Variants in DDX24 observed in about 807,000 individuals in gnomAD.
DDX24 encodes the protein DEAD-box helicase 24.
DDX24 carries 24 observed loss-of-function variants against 68.9 expected under a neutral mutation model. The observed-to-expected ratio is 0.35, with a 90% CI of 0.25 to 0.49. The LOEUF is 0.49. Ranked by LOEUF, DDX24 falls within the 20% of genes least tolerant of loss-of-function variation. The pLI, the probability that DDX24 is intolerant of heterozygous loss-of-function variation, is 0.99. For synonymous variants in DDX24, 395 were observed against 385.2 expected (o/e 1.03, Z -0.30); for missense variants, 989 against 1,039.0 (o/e 0.95, Z 0.66).
At chr14:94,064,972 T>G (rs894282966) in intron 2 of DDX24, among the ~76,000 whole-genome samples, 1 of 152,088 alleles carries the variant, frequency 6.6e-6, no homozygotes, top group African/African-American at 2.4e-5. Flanking sequence ...AACCAGTTGG[T>G]GTCCACAGAG....
chr14:94,060,222 T>C lies in DDX24; in HGVS notation c.1789A>G (p.Ile597Val). The C allele has an allele frequency of 1.2e-6, 2 of 1,614,210 alleles. No homozygotes were observed. Among genetic ancestry groups the C allele is most frequent in the East Asian group, 4.5e-5 (2 of 44,878 alleles). The stretch of plus-strand genomic sequence containing the variant: ...CCAGAGAGGCGTTTGATGCAGGAGA[T>C]ACTGTTGGCAAACACTAAGCTGCGG... ...PGRSLVFANS[I>V]SCIKRLSGLL... Residue 597 changes from isoleucine to valine, a missense_variant, in exon 5 of 9, where the codon ATC (isoleucine) becomes GTC (valine). Physicochemically the swap from Ile to Val is conservative, Grantham distance 29 (BLOSUM62 3). Transcript: ENST00000621632.
chr14:94,079,501 A>G lies in DDX24; in HGVS notation c.242T>C (p.Val81Ala). The change falls in exon 2 of 9, where the codon GTT becomes GCT. Residue 81 changes from valine to alanine, a missense_variant. Val to Ala is a moderately conservative substitution (Grantham distance 64, BLOSUM62 0). Coordinates refer to ENST00000621632, the MANE Select transcript of DDX24 (RefSeq NM_020414.4). Reference protein sequence around the residue: ...KEAPKRKAQAVSEEEEEEEGK... With the variant: ...KEAPKRKAQAASEEEEEEEGK... ...CTCCTCCTCCTCCTCTTCTTCTGAA[A>G]CAGCTTGTGCCTTTCTCTTGGGTGC... 1.2e-6 allele frequency: 2 copies of G among 1,614,114 alleles called. No homozygotes were observed. Among genetic ancestry groups the G allele is most frequent in the Non-Finnish European group, 1.7e-6 (2 of 1,180,042 alleles).
chr14:94,049,876 T>C lies in DDX24; in HGVS notation c.*1315A>G, dbSNP rs4900210. 80,397 of 151,592 alleles carry C rather than the reference T, an allele frequency of 0.53. 23,364 individuals carry two copies. The highest frequency in any genetic ancestry group is 0.78 in the African/African-American group (32,407 of 41,284). 9.4% of individuals were successfully genotyped at this position (151,592 alleles called of 1,614,324 possible). On this transcript the variant is annotated 3_prime_UTR_variant, in exon 9 of 9. Transcript: ENST00000621632. Reference sequence around the variant, plus strand: ...TGCCATTGCACTCCAACCTGGGCAATGGAGCAAGACCCTGTCTCAAAAAAA... The same window carrying C: ...TGCCATTGCACTCCAACCTGGGCAACGGAGCAAGACCCTGTCTCAAAAAAA...
At chr14:94,051,908 G>C (rs1885395435) in intron 8 of DDX24, 1 of 157,886 alleles carries the variant, frequency 6.3e-6, no homozygotes, top group Non-Finnish European at 1.4e-5. Flanking sequence ...AGGAGACACT[G>C]AATGCTTCTT....
Position 94,060,323 on chromosome 14 carries a change from A to G in DDX24, c.1688T>C (p.Leu563Pro). ...CTCACAATGGATCTTGGTCTCTGTT[A>G]GCGTCTCCACCGTGGCCTCATTCCT... is the stretch of plus-strand genomic sequence containing the variant. ...LTRNEATVET[L>P]TETKIHCETD... Residue 563 changes from leucine (L) to proline (P), a missense_variant, in exon 5 of 9, where the codon CTA (leucine) becomes CCA (proline). Physicochemically the swap from Leu to Pro is moderately conservative, Grantham distance 98. Transcript: ENST00000621632. The G allele has an allele frequency of 6.2e-7, 1 of 1,614,222 alleles. No individual in the cohort carries two copies. The highest frequency in any genetic ancestry group is 8.5e-7 in the Non-Finnish European group (1 of 1,180,048).
rs1166161649 is a variant in DDX24, at chr14:94,062,237, T to A, written c.1103A>T (p.Asn368Ile). 6.2e-7 allele frequency: 1 copy of A among 1,614,126 alleles called. No homozygotes were observed. Among genetic ancestry groups the A allele is most frequent in the Admixed American group, 1.7e-5 (1 of 60,018 alleles). ...TTTGTCATCCAACTCCTGTTTTAGA[T>A]TTCCAGTCTGCTCTTTATCAAGATT... ...EENLDKEQTG[N>I]LKQELDDKSA... The change falls in exon 3 of 9, where the codon AAT (asparagine) becomes ATT (isoleucine). Residue 368 changes from asparagine to isoleucine, a missense_variant. Asn to Ile is a moderately radical substitution (Grantham distance 149). This residue lies in a region of DDX24 where 691 missense variants were observed against 760.0 expected (regional missense o/e 0.91). Coordinates refer to ENST00000621632, the MANE Select transcript of DDX24 (RefSeq NM_020414.4).
chr14:94,051,721 G>A (rs1165610929), intron 8 of DDX24: 2 of 397,348 alleles, frequency 5.0e-6, no homozygotes, highest in Non-Finnish European at 8.8e-6. Flanking sequence ...CTTTACAGAT[G>A]AGGCAACTCA....
At position 94,079,557 on chromosome 14, in the gene DDX24, G is replaced by A. The variant is rs747878406; in HGVS notation, c.186C>T (p.Ala62=). Residue 62 remains alanine, a synonymous_variant, in exon 2 of 9, where the codon GCC becomes GCT. Transcript: ENST00000621632. ...TTGAGAAGAGACTGGAGGGATTCTT[G>A]GCAGGGGAGACCAACTGGTAATCTG... The part of the protein sequence containing the change: ...ELTDYQLVSP[A]KNPSSLFSKE... 1 of 1,614,118 alleles carries A rather than the reference G, an allele frequency of 6.2e-7. No individual in the cohort carries two copies. Among genetic ancestry groups the A allele is most frequent in the Non-Finnish European group, 8.5e-7 (1 of 1,180,032 alleles).
intron 2 of DDX24, among the ~76,000 whole-genome samples, chr14:94,067,437 C>T (rs1885727848): frequency 6.6e-6 from 1 of 152,154 alleles, no homozygotes; most frequent in African/African-American, 2.4e-5. Context: ...GAAAACTTCT[C>T]CAGCCTTGCT....
chr14:94,077,329 C>T (rs540088842), intron 2 of DDX24, among the ~76,000 whole-genome samples: 18 of 152,320 alleles, frequency 1.2e-4, no homozygotes, highest in Non-Finnish European at 2.1e-4. Context: ...TGTAGATTCA[C>T]AACCTGACAG....
rs1885319086 is a variant in DDX24 at position 94,048,310 on chromosome 14, T to C, written c.*2881A>G. The C allele has an allele frequency of 6.6e-6, 1 of 152,232 alleles. No individual in the cohort carries two copies. The highest frequency in any genetic ancestry group is 1.5e-5 in the Non-Finnish European group (1 of 68,040). The allele number at this position is 152,232 out of a possible 1,614,324, so 9.4% of individuals were successfully genotyped here. On this transcript the variant is annotated 3_prime_UTR_variant, in exon 9 of 9. Coordinates refer to ENST00000621632, the MANE Select transcript of DDX24 (RefSeq NM_020414.4). ...GCTTGTTTTTACAACTGCATGTTTA[T>C]TATGATACTTTCTCTCCAAAGGAAA...
Position 94,071,407 on chromosome 14 carries a change from C to T in DDX24, c.718+7618G>A, listed in dbSNP as rs188041193. Among the ~76,000 whole-genome samples the T allele has an allele frequency of 1.3e-3, 193 of 151,904 alleles. 3 individuals are homozygous for T. In the South Asian group the frequency reaches 0.016, roughly 13 times the overall value. ...CTCATGCCTGTAATCCCAGCACTTC[C>T]GGAGGTTGAGGTGGGCAGATCACCT... On this transcript the variant is annotated intron_variant, in intron 2 of 8. Transcript: ENST00000621632.
chr14:94,051,077 G>T lies in DDX24; in HGVS notation c.*114C>A. 1 of 1,314,596 alleles carries T rather than the reference G, an allele frequency of 7.6e-7. No homozygotes were observed. The highest frequency in any genetic ancestry group is 1.0e-6 in the Non-Finnish European group (1 of 972,804). The allele number at this position is 1,314,596 out of a possible 1,614,324, so 81.4% of individuals were successfully genotyped here. A position where few individuals can be genotyped will look rare whatever the true frequency, so the allele number is the denominator to read the frequency against. ...TCCCGCTATGGGTGTGAGTGGAAGA[G>T]AGGGAGACTTTTTTACCTGGGGTTG... On this transcript the variant is annotated 3_prime_UTR_variant, in exon 9 of 9. Coordinates refer to ENST00000621632, the MANE Select transcript of DDX24 (RefSeq NM_020414.4).
At chr14:94,060,803 T>C (rs2141426013) in intron 4 of DDX24, 110 bp downstream of exon 4, 2 of 1,506,362 alleles carry the variant, frequency 1.3e-6, no homozygotes, top group East Asian at 2.3e-5. Flanking sequence ...GTCTGGATGA[T>C]ACCACACCAT....
intron 4 of DDX24, 21 bp from the exon 5 acceptor site, chr14:94,060,634 A>G (rs539594061): frequency 1.4e-5 from 22 of 1,607,162 alleles, no homozygotes; most frequent in East Asian, 4.5e-5. Context: ...AGAGAGACCC[A>G]TATCATTGGT....
chr14:94,052,706 T>G (rs754132479), intron 8 of DDX24, among the ~76,000 whole-genome samples: 26 of 152,190 alleles, frequency 1.7e-4, no homozygotes, highest in Non-Finnish European at 3.5e-4. Flanking sequence ...GTTAAGGCAA[T>G]GAGCCGGCAT....
intron 2 of DDX24, among the ~76,000 whole-genome samples, chr14:94,077,269 T>G (rs1885963450): frequency 6.6e-6 from 1 of 152,188 alleles, no homozygotes; most frequent in South Asian, 2.1e-4. Flanking sequence ...CAGTGGTCTG[T>G]TCACAGCCCC....
At chr14:94,051,625 T>C in intron 8 of DDX24, 163 bp from the exon 9 acceptor site, 1 of 825,698 alleles carries the variant, frequency 1.2e-6, no homozygotes, top group South Asian at 2.0e-5. Context: ...GGGCTGTAAA[T>C]GGATAACGTC....
intron 2 of DDX24, among the ~76,000 whole-genome samples, chr14:94,074,345 C>T (rs976254274): frequency 7.9e-5 from 12 of 152,106 alleles, no homozygotes; most frequent in African/African-American, 2.9e-4. Context: ...CAAATCAAAT[C>T]CAACAAAATA....
Sources: allele counts gnomAD v4.1 joint callset (sites outside exome capture counted in the v4.1 genomes callset), GRCh38; gene constraint gnomAD v4.1.1; regional missense constraint gnomAD v4.1.1; transcripts MANE v1.5; gene names NCBI Gene and HGNC (gene_info 2026-07-23, HGNC 2026-07-21).